Variants in CRYZL1 observed in about 807,000 individuals in gnomAD.
CRYZL1 encodes ferry endosomal RAB5 effector complex subunit 4.
Under a neutral mutation model 50.6 loss-of-function variants are expected in CRYZL1, and 34 were observed. The observed-to-expected ratio is 0.67, with a 90% CI of 0.51 to 0.89. The LOEUF is 0.89. Ranked by LOEUF, CRYZL1 falls within the 40% of genes least tolerant of loss-of-function variation. The pLI, the probability that CRYZL1 is intolerant of heterozygous loss-of-function variation, is 0.00. For synonymous variants in CRYZL1, 125 were observed against 134.3 expected, an observed-to-expected ratio of 0.93 and a Z score of 0.48; for missense variants, 354 against 402.3, an observed-to-expected ratio of 0.88 and a Z score of 1.03.
intron 4 of CRYZL1, among the ~76,000 whole-genome samples, chr21:33,620,820 C>A (rs571073261): frequency 9.3e-4 from 139 of 149,190 alleles, no homozygotes; most frequent in Middle Eastern, 3.5e-3. Context: ...AAAACAAAAA[C>A]AAAACAAAAC....
intron 10 of CRYZL1, among the ~76,000 whole-genome samples, chr21:33,596,662 AAAAT>A (rs2086696521): frequency 6.6e-6 from 1 of 151,844 alleles, no homozygotes; most frequent in African/African-American, 2.4e-5. Context: ...ATAAAAAAAT[AAAAT>A]AAAATAAATT....
chr21:33,623,515 A>T (rs1254782057), intron 3 of CRYZL1, among the ~76,000 whole-genome samples: 2 of 152,202 alleles, frequency 1.3e-5, no homozygotes, highest in African/African-American at 4.8e-5. Context: ...AAAACATCTG[A>T]AAACAGAAGT....
intron 12 of CRYZL1, among the ~76,000 whole-genome samples, 159 bp from the exon 13 acceptor site, chr21:33,590,080 C>T (rs997343829): frequency 6.6e-6 from 1 of 152,052 alleles, no homozygotes; most frequent in African/African-American, 2.4e-5. Flanking sequence ...TGCAGTGGCA[C>T]GATCTCAGCT....
intron 11 of CRYZL1, among the ~76,000 whole-genome samples, chr21:33,594,033 A>G (rs1438250316): frequency 6.7e-6 from 1 of 149,324 alleles, no homozygotes; most frequent in Non-Finnish European, 1.5e-5. Context: ...GCTACATAGT[A>G]TTCTAACCTT....
chr21:33,608,994 CCA>C (rs1486939076), intron 6 of CRYZL1, among the ~76,000 whole-genome samples: 1 of 152,202 alleles, frequency 6.6e-6, no homozygotes, highest in African/African-American at 2.4e-5. Flanking sequence ...TCCCTTTTCT[CCA>C]CATTCTCGCC....
In CRYZL1 at chr21:33,602,230, C is replaced by G. The variant is rs1039572010; in HGVS notation, c.577+4G>C. On this transcript the variant is annotated splice_donor_region_variant and intron_variant, in intron 8 of 12. Transcript: ENST00000381554. The stretch of plus-strand genomic sequence containing the variant: ...TTAAAGTCTGTGCTCATAATATTAC[C>G]CACCTATGGGAGGTCTGAATCTTTC... 6 of 1,465,710 alleles carry G rather than the reference C, an allele frequency of 4.1e-6. No homozygotes were observed. The highest frequency in any genetic ancestry group is 5.7e-6 in the Non-Finnish European group (6 of 1,046,740). 90.8% of individuals were successfully genotyped at this position (1,465,710 alleles called of 1,614,324 possible). A position where few individuals can be genotyped will look rare whatever the true frequency, so the allele number is the denominator to read the frequency against.
At chr21:33,621,050 C>T (rs1272115317) in intron 4 of CRYZL1, among the ~76,000 whole-genome samples, 4 of 147,156 alleles carry the variant, frequency 2.7e-5, no homozygotes, top group South Asian at 2.2e-4. Flanking sequence ...GGACTACAGG[C>T]GCCCGCCACC....
At chr21:33,632,403 A>C (rs538065775) in intron 1 of CRYZL1, among the ~76,000 whole-genome samples, 5 of 151,908 alleles carry the variant, frequency 3.3e-5, no homozygotes, top group African/African-American at 4.8e-5. Flanking sequence ...TTTTAGATGG[A>C]GTCTCGCCCT....
intron 5 of CRYZL1, among the ~76,000 whole-genome samples, chr21:33,615,020 A>G (rs573280145): frequency 1.4e-4 from 22 of 152,330 alleles, no homozygotes; most frequent in African/African-American, 4.1e-4. Context: ...ATTCTCCAGG[A>G]TAATGCCTGA....
intron 5 of CRYZL1, among the ~76,000 whole-genome samples, chr21:33,614,166 T>C (rs2086902657): frequency 8.0e-6 from 1 of 124,226 alleles, no homozygotes; most frequent in Non-Finnish European, 1.7e-5. Flanking sequence ...TGCGAGACTC[T>C]GTGTCAAAAA....
intron 3 of CRYZL1, among the ~76,000 whole-genome samples, chr21:33,624,312 C>T (rs968831087): frequency 3.3e-5 from 5 of 152,086 alleles, no homozygotes; most frequent in Non-Finnish European, 5.9e-5. Flanking sequence ...TTTGGGAGAC[C>T]GAGGCAGGTG....
chr21:33,596,560 C>T (rs1474630126), intron 10 of CRYZL1, among the ~76,000 whole-genome samples: 1 of 151,956 alleles, frequency 6.6e-6, no homozygotes, highest in Non-Finnish European at 1.5e-5. Flanking sequence ...ATCGCTTGAA[C>T]CTGGGAGGCA....
intron 3 of CRYZL1, among the ~76,000 whole-genome samples, chr21:33,624,065 T>C (rs534054984): frequency 2.0e-5 from 3 of 152,298 alleles, no homozygotes; most frequent in Admixed American, 6.5e-5. Context: ...GCTTTGTTAA[T>C]TATAAACTCT....
chr21:33,634,745 T>G (rs2087182691), intron 1 of CRYZL1, among the ~76,000 whole-genome samples: 1 of 152,026 alleles, frequency 6.6e-6, no homozygotes, highest in East Asian at 1.9e-4. Context: ...TCTCTGCCCA[T>G]TGAATCTTGA....
At chr21:33,635,900 G>C (rs1326825802) in intron 1 of CRYZL1, among the ~76,000 whole-genome samples, 12 of 152,044 alleles carry the variant, frequency 7.9e-5, no homozygotes, top group Admixed American at 7.9e-4. Flanking sequence ...AGAATCGCTT[G>C]AATCTGGGAG....
chr21:33,610,738 T>G (rs1330829420), intron 6 of CRYZL1, among the ~76,000 whole-genome samples: 136 of 144,998 alleles, frequency 9.4e-4, no homozygotes, highest in Middle Eastern at 3.4e-3. Context: ...TTTTTTTTTT[T>G]TTTTTTTTTT....
chr21:33,591,359 G>A (rs144580147), intron 11 of CRYZL1, 152 bp from the exon 12 acceptor site: 3 of 655,498 alleles, frequency 4.6e-6, no homozygotes, highest in Non-Finnish European at 5.4e-6. Context: ...TCTGTAGGAC[G>A]TCAAGTTTAG....
chr21:33,627,555 C>G (rs1389740795), intron 2 of CRYZL1, among the ~76,000 whole-genome samples: 1 of 152,068 alleles, frequency 6.6e-6, no homozygotes, highest in Non-Finnish European at 1.5e-5. Flanking sequence ...ACAAATCTTT[C>G]TAATAATCAC....
intron 2 of CRYZL1, among the ~76,000 whole-genome samples, chr21:33,628,817 C>T (rs559905305): frequency 1.4e-3 from 207 of 152,042 alleles, no homozygotes; most frequent in Non-Finnish European, 2.6e-3. Context: ...CTATGTTGCC[C>T]AGGCTGAACT....
Sources: gnomAD v4.1 joint callset for allele counts (sites outside exome capture counted in the v4.1 genomes callset) on GRCh38, gnomAD v4.1.1 for gene constraint, MANE v1.5 for transcripts, NCBI Gene and HGNC (gene_info 2026-07-23, HGNC 2026-07-21) for gene names.